The following CAPZA2 variants were observed in gnomAD, a reference collection of about 807,000 sequenced individuals.
CAPZA2 encodes F-actin-capping protein subunit alpha-2.
Under a neutral mutation model 44.0 loss-of-function variants are expected in CAPZA2, and 13 were observed. The observed-to-expected ratio is 0.30, with a 90% CI of 0.19 to 0.47. The LOEUF (loss-of-function observed/expected upper bound fraction) is 0.47. Ranked by LOEUF, CAPZA2 falls within the 20% of genes least tolerant of loss-of-function variation. The probability of loss-of-function intolerance (pLI) is 1.00; values close to 1 mark genes in which losing one functional copy is unlikely to be tolerated. For missense variants in CAPZA2, 244 were observed against 338.6 expected, an observed-to-expected ratio of 0.72 and a Z score of 2.19; for synonymous variants, 94 against 108.2, an observed-to-expected ratio of 0.87 and a Z score of 0.81.
At chr7:116,905,256 A>C (rs1791479246) in intron 5 of CAPZA2, among the ~76,000 whole-genome samples, 1 of 152,058 alleles carries the variant, frequency 6.6e-6, no homozygotes, top group Non-Finnish European at 1.5e-5. Flanking sequence ...TAGCACCCCC[A>C]GTTTGTGCTT....
chr7:116,913,992 C>G (rs1472107903), intron 8 of CAPZA2, among the ~76,000 whole-genome samples: 1 of 150,810 alleles, frequency 6.6e-6, no homozygotes, highest in Non-Finnish European at 1.5e-5. Context: ...TAAACATCAA[C>G]TGCTTATATA....
chr7:116,865,177 C>CTTTTT lies in CAPZA2; in HGVS notation c.39+2549_39+2553dup, dbSNP rs1011886318. On this transcript the variant is annotated intron_variant, in intron 1 of 9. Transcript: ENST00000361183. ...TTCTTGTGACATTATGCGCTCTCTT[C>CTTTTT]TTTTTTTTTTTTTTTTTTTTTTTTT... 2.7e-4 allele frequency among the ~76,000 whole-genome samples: 24 copies of CTTTTT among 87,986 alleles called. 1 individual carries two copies. Among genetic ancestry groups the CTTTTT allele is most frequent in the South Asian group, 4.3e-4 (1 of 2,328 alleles). The allele number at this position is 87,986 out of a possible 152,430, so 57.7% of individuals were successfully genotyped here.
At chr7:116,915,267 C>T (rs1263850088) in intron 8 of CAPZA2, among the ~76,000 whole-genome samples, 2 of 151,650 alleles carry the variant, frequency 1.3e-5, no homozygotes, top group Non-Finnish European at 2.9e-5. Flanking sequence ...CACACTGCTG[C>T]ACTCCAGCCT....
At chr7:116,866,019 T>C (rs1796478070) in intron 1 of CAPZA2, among the ~76,000 whole-genome samples, 1 of 152,240 alleles carries the variant, frequency 6.6e-6, no homozygotes, top group Admixed American at 6.5e-5. Flanking sequence ...CAATCTAGAA[T>C]AATAGTTTTG....
At chr7:116,909,875 T>G (rs573463570) in intron 6 of CAPZA2, 15 of 194,992 alleles carry the variant, frequency 7.7e-5, no homozygotes, top group Non-Finnish European at 1.4e-4. Flanking sequence ...GTTTTGTTTT[T>G]TTTAAGGCTA....
chr7:116,909,291 C>T (rs1562963423), intron 6 of CAPZA2, among the ~76,000 whole-genome samples: 1 of 152,008 alleles, frequency 6.6e-6, no homozygotes, highest in Non-Finnish European at 1.5e-5. Context: ...AAAAAGCTAA[C>T]ATATTAGAAT....
rs1796572197 is a variant in CAPZA2 at position 116,873,097 on chromosome 7, C to T, written c.39+10447C>T. 3.3e-5 allele frequency among the ~76,000 whole-genome samples: 5 copies of T among 152,096 alleles called. No individual in the cohort carries two copies. The South Asian group carries it at 1.0e-3, about 32-fold the overall frequency. ...GTCTCCTTCCTTGATCATGGCGGCCCATACCATGTGGAAATTATAGGGGCT... is the reference window on the plus strand; with the variant it reads ...GTCTCCTTCCTTGATCATGGCGGCCTATACCATGTGGAAATTATAGGGGCT... On this transcript the variant is annotated intron_variant, in intron 1 of 9. Coordinates refer to ENST00000361183, the MANE Select transcript of CAPZA2 (RefSeq NM_006136.3).
chr7:116,890,509 T>TAAAAAAAAA (rs1159101707), intron 2 of CAPZA2, among the ~76,000 whole-genome samples: 2 of 29,234 alleles, frequency 6.8e-5, no homozygotes, highest in Non-Finnish European at 1.1e-4. Context: ...TGTCTCTACT[T>TAAAAAAAAA]AAAAAAAAAA....
chr7:116,869,557 A>G (rs919808733), intron 1 of CAPZA2, among the ~76,000 whole-genome samples: 2 of 152,198 alleles, frequency 1.3e-5, no homozygotes, highest in African/African-American at 4.8e-5. Flanking sequence ...ATGGGTTGTA[A>G]TATTTCATTG....
chr7:116,914,177 A>G (rs1019445350), intron 8 of CAPZA2, among the ~76,000 whole-genome samples: 2 of 150,258 alleles, frequency 1.3e-5, no homozygotes, highest in African/African-American at 2.5e-5. Context: ...ACAGGTGCCC[A>G]CTACCACACC....
chr7:116,891,772 A>G (rs766608116), intron 2 of CAPZA2, among the ~76,000 whole-genome samples: 1 of 152,152 alleles, frequency 6.6e-6, no homozygotes, highest in Non-Finnish European at 1.5e-5. Flanking sequence ...CGGCCTCCCA[A>G]AGTGCTGGGA....
At chr7:116,869,623 G>T (rs1344990568) in intron 1 of CAPZA2, among the ~76,000 whole-genome samples, 1 of 152,182 alleles carries the variant, frequency 6.6e-6, no homozygotes, top group Non-Finnish European at 1.5e-5. Flanking sequence ...TATTGATTGT[G>T]AATCAGGATA....
Position 116,888,203 on chromosome 7 carries a change from T to C in CAPZA2, c.103+13T>C. On this transcript the variant is annotated intron_variant, in intron 2 of 9. Coordinates refer to ENST00000361183, the MANE Select transcript of CAPZA2 (RefSeq NM_006136.3). ...GAGGTTTTCAATGGTGAGTGTTTGA[T>C]TTATAACACTAGGCTTGATATATCA... The C allele has an allele frequency of 6.4e-7, 1 of 1,568,100 alleles. No homozygotes were observed. The highest frequency in any genetic ancestry group is 8.8e-7 in the Non-Finnish European group (1 of 1,140,700).
chr7:116,866,784 A>T (rs1796489374), intron 1 of CAPZA2, among the ~76,000 whole-genome samples: 1 of 152,182 alleles, frequency 6.6e-6, no homozygotes, highest in Non-Finnish European at 1.5e-5. Flanking sequence ...CCAGGTACAT[A>T]GCTGTAGCAC....
intron 6 of CAPZA2, 26 bp downstream of exon 6, chr7:116,906,368 G>A: frequency 6.2e-7 from 1 of 1,608,544 alleles, no homozygotes. Flanking sequence ...GGATATTGGG[G>A]AGTTTTGGCA....
At chr7:116,889,990 C>T (rs1796810794) in intron 2 of CAPZA2, among the ~76,000 whole-genome samples, 1 of 152,190 alleles carries the variant, frequency 6.6e-6, no homozygotes, top group African/African-American at 2.4e-5. Flanking sequence ...AGAAGATAGT[C>T]TCTTCCTCCT....
intron 8 of CAPZA2, among the ~76,000 whole-genome samples, chr7:116,915,297 TG>T (rs1318913902): frequency 6.6e-6 from 1 of 150,888 alleles, no homozygotes; most frequent in Non-Finnish European, 1.5e-5. Context: ...GCTGAGACCC[TG>T]TCTCAAAAAA....
intron 1 of CAPZA2, among the ~76,000 whole-genome samples, chr7:116,882,123 C>T (rs562630928): frequency 6.6e-6 from 1 of 152,078 alleles, no homozygotes; most frequent in African/African-American, 2.4e-5. Context: ...TGGTGTATGG[C>T]GAGTTTCCTC....
chr7:116,890,154 A>T (rs539112072), intron 2 of CAPZA2, among the ~76,000 whole-genome samples: 3 of 152,298 alleles, frequency 2.0e-5, no homozygotes, highest in African/African-American at 7.2e-5. Context: ...AATGCCCTGC[A>T]TATTTAATCA....
Sources: gnomAD v4.1 joint callset for allele counts (sites outside exome capture counted in the v4.1 genomes callset) on GRCh38, gnomAD v4.1.1 for gene constraint, MANE v1.5 for transcripts, NCBI Gene and HGNC (gene_info 2026-07-23, HGNC 2026-07-21) for gene names.